USB1: variants seen among roughly 807,000 people sequenced by gnomAD.
USB1 encodes the protein U6 snRNA biogenesis phosphodiesterase 1.
A neutral mutation model predicts 29.9 loss-of-function variants in USB1; 21 were observed. The ratio of observed to expected loss-of-function variants is 0.70; its 90% confidence interval spans 0.50 to 1.01. USB1 has a LOEUF of 1.01. USB1 is among the 50% of genes least tolerant of loss of function. USB1 has a pLI of 0.00. For synonymous variants in USB1, 143 were observed against 134.9 expected (o/e 1.06, Z -0.42); for missense variants, 330 against 347.1 (o/e 0.95, Z 0.39).
At chr16:58,017,287 G>C (rs1227794724) in intron 4 of USB1, 47 bp from the exon 5 acceptor site, 3 of 1,572,278 alleles carry the variant, frequency 1.9e-6, no homozygotes, top group South Asian at 2.2e-5. Flanking sequence ...AGATGGCTGT[G>C]TTCTCAGAGG....
upstream of USB1, among the ~76,000 whole-genome samples, chr16:58,000,959 G>A (rs979352287): frequency 6.6e-6 from 1 of 152,196 alleles, no homozygotes; most frequent in Non-Finnish European, 1.5e-5. The surrounding 1 kb of genome is among the most constrained non-coding windows in gnomAD (Gnocchi z 4.5). Flanking sequence ...CTCTGCGCAG[G>A]AGAGGAGGGG....
chr16:58,012,412 C>T (rs1407626117), intron 3 of USB1: 1 of 1,381,634 alleles, frequency 7.2e-7, no homozygotes, highest in South Asian at 1.2e-5. Context: ...TCAGAGGTAG[C>T]ACTGGCTCAT....
At chr16:58,018,740 G>A (rs1177961242) in intron 5 of USB1, among the ~76,000 whole-genome samples, 1 of 152,120 alleles carries the variant, frequency 6.6e-6, no homozygotes, top group African/African-American at 2.4e-5. Flanking sequence ...TGGGGGTTAG[G>A]GCTACATGAA....
At chr16:58,012,160 C>G in intron 3 of USB1, 1 of 1,433,438 alleles carries the variant, frequency 7.0e-7, no homozygotes, top group African/African-American at 1.4e-5. Flanking sequence ...AGCTGAACCC[C>G]TTCTGAGGGC....
rs115846791 is a variant in USB1, at chr16:58,001,801, C to G, written c.98+220C>G. 0.024 allele frequency among the ~76,000 whole-genome samples: 3,253 copies of G among 135,936 alleles called. 129 individuals are homozygous for G. The highest frequency in any genetic ancestry group is 0.08 in the African/African-American group (3,051 of 38,146). 89.2% of individuals were successfully genotyped at this position (135,936 alleles called of 152,430 possible). ...ACCTGGCTAGGGCCAAGTTGGGAGG[C>G]CAGACCTGGGTTCGGGTCCAGCCTC... On this transcript the variant is annotated intron_variant, in intron 1 of 6. Coordinates refer to ENST00000219281, the MANE Select transcript of USB1 (RefSeq NM_024598.4).
chr16:58,011,589 G>T, intron 3 of USB1: 1 of 991,996 alleles, frequency 1.0e-6, no homozygotes, highest in East Asian at 1.1e-4. Context: ...CCAGAGATCA[G>T]TCGGTCCTGT....
chr16:58,019,181 C>T (rs1457252427), intron 6 of USB1, 126 bp downstream of exon 6: 3 of 917,518 alleles, frequency 3.3e-6, no homozygotes, highest in Non-Finnish European at 5.1e-6. Flanking sequence ...GGCAGGAGAC[C>T]CCAACACCTT....
chr16:58,017,907 G>A (rs1213330664), intron 5 of USB1, among the ~76,000 whole-genome samples: 1 of 152,164 alleles, frequency 6.6e-6, no homozygotes, highest in Non-Finnish European at 1.5e-5. Flanking sequence ...ACCGTGCTGA[G>A]GGAGATAAGT....
chr16:58,016,890 G>A (rs539037057), intron 4 of USB1: 9 of 255,446 alleles, frequency 3.5e-5, no homozygotes, highest in Non-Finnish European at 6.2e-5. Context: ...GAAACCGTGG[G>A]TTCAGGGGAG....
At chr16:58,012,425 A>G (rs1029071503) in intron 3 of USB1, 3 of 1,303,142 alleles carry the variant, frequency 2.3e-6, no homozygotes, top group African/African-American at 2.9e-5. Context: ...TGGCTCATGC[A>G]TGAGTGGACC....
Position 58,020,641 on chromosome 16 carries a change from C to T in USB1, c.*396C>T, listed in dbSNP as rs1963720615. On this transcript the variant is annotated 3_prime_UTR_variant, in exon 7 of 7. Coordinates refer to ENST00000219281, the MANE Select transcript of USB1 (RefSeq NM_024598.4). ...CCCCTCCTCTCTCTTCCTCTCCTCT[C>T]TCTCTTCCTCTCCTCTCTCTTCCCT... The T allele has an allele frequency of 3.2e-6, 1 of 308,630 alleles. No individual in the cohort carries two copies. The highest frequency in any genetic ancestry group is 6.2e-6 in the Non-Finnish European group (1 of 160,358). 19.1% of individuals were successfully genotyped at this position (308,630 alleles called of 1,614,324 possible).
intron 1 of USB1, among the ~76,000 whole-genome samples, chr16:58,002,027 T>A (rs1963220829): frequency 6.6e-6 from 1 of 152,256 alleles, no homozygotes; most frequent in Non-Finnish European, 1.5e-5. Flanking sequence ...TCGGCCTTAC[T>A]TCCTGGGGCT....
Position 58,014,264 on chromosome 16 carries a change from A to T in USB1, c.450-9A>T, listed in dbSNP as rs556507871. On this transcript the variant is annotated splice_polypyrimidine_tract_variant and intron_variant, in intron 3 of 6. Coordinates refer to ENST00000219281, the MANE Select transcript of USB1 (RefSeq NM_024598.4). ...GATTTTTCCTGAAATATGGTCTTCTAAATTTCAGATTCTTCTTTACTGCCA... is the reference window on the plus strand; with the variant it reads ...GATTTTTCCTGAAATATGGTCTTCTTAATTTCAGATTCTTCTTTACTGCCA... The T allele has an allele frequency of 6.2e-6, 10 of 1,611,348 alleles. No homozygotes were observed. The African/African-American group carries it at 6.7e-5, about 11-fold the overall frequency.
rs1015347967 is a variant in USB1 at position 58,011,493 on chromosome 16, A to G, written c.449+1381A>G. ...AGATCAAAACCCTGCTCTTTCACTG[A>G]GGCTCTCCCGGTTGGCATATCCTGC... On this transcript the variant is annotated intron_variant, in intron 3 of 6. Transcript: ENST00000219281. 3.9e-6 allele frequency: 4 copies of G among 1,014,696 alleles called. No individual in the cohort carries two copies. In the African/African-American group the frequency reaches 6.9e-5, roughly 17 times the overall value. The allele number at this position is 1,014,696 out of a possible 1,614,324, so 62.9% of individuals were successfully genotyped here. A position where few individuals can be genotyped will look rare whatever the true frequency, so the allele number is the denominator to read the frequency against.
At chr16:58,002,279 A>C (rs572223327) in intron 1 of USB1, among the ~76,000 whole-genome samples, 200 bp from the exon 2 acceptor site, 18 of 151,920 alleles carry the variant, frequency 1.2e-4, no homozygotes, top group African/African-American at 4.3e-4. Context: ...TCCCATGGGG[A>C]CCTTGTGCCC....
chr16:58,013,022 T>G lies in USB1; in HGVS notation c.450-1251T>G, dbSNP rs892720541. 5 of 985,606 alleles carry G rather than the reference T, an allele frequency of 5.1e-6. No homozygotes were observed. In the South Asian group the frequency reaches 2.3e-4, roughly 46 times the overall value. The allele number at this position is 985,606 out of a possible 1,614,324, so 61.1% of individuals were successfully genotyped here. ...GCTGGTTCCCTCTGAGGAAAGGATC[T>G]GTGTCATGAGTGAAGCCCGGGCAGG... On this transcript the variant is annotated intron_variant, in intron 3 of 6. Transcript: ENST00000219281. The surrounding 1 kb of genome is among the most constrained non-coding windows in gnomAD (Gnocchi z 4.3).
At chr16:58,018,920 AG>A (rs1254346184) in intron 5 of USB1, 51 bp from the exon 6 acceptor site, 1 of 1,579,992 alleles carries the variant, frequency 6.3e-7, no homozygotes, top group African/African-American at 1.3e-5. Flanking sequence ...CTGTGAGGGC[AG>A]GGCCTGCCAA....
chr16:58,017,277 A>C (rs183726464), intron 4 of USB1, 57 bp from the exon 5 acceptor site: 1 of 1,528,678 alleles, frequency 6.5e-7, no homozygotes. Flanking sequence ...TCGGCTGCGC[A>C]GATGGCTGTG....
chr16:58,012,748 T>C (rs1269734911), intron 3 of USB1: 2 of 1,054,362 alleles, frequency 1.9e-6, no homozygotes, highest in African/African-American at 3.3e-5. Flanking sequence ...GGAGAGCGGC[T>C]ATGTTAGTGC....
Sources: allele counts gnomAD v4.1 joint callset (sites outside exome capture counted in the v4.1 genomes callset), GRCh38; gene constraint gnomAD v4.1.1; non-coding constraint Gnocchi (gnomAD v3.1); transcripts MANE v1.5; gene names NCBI Gene and HGNC (gene_info 2026-07-23, HGNC 2026-07-21).